Variants in MND1 observed in about 807,000 individuals in gnomAD.
The protein encoded by MND1 is meiotic nuclear divisions 1, also known as meiotic nuclear division protein 1 homolog.
MND1 carries 28 observed loss-of-function variants against 35.1 expected under a neutral mutation model. The observed-to-expected ratio is 0.80, with a 90% confidence interval of 0.59 to 1.09. The LOEUF (loss-of-function observed/expected upper bound fraction) is 1.09. Among genes scored for constraint, MND1 ranks in the 50% least tolerant of loss-of-function variants. The pLI, the probability that MND1 is intolerant of heterozygous loss-of-function variation, is 0.00. For synonymous variants in MND1, 69 were observed against 70.5 expected, an observed-to-expected ratio of 0.98 and a Z score of 0.11; for missense variants, 213 against 239.6, an observed-to-expected ratio of 0.89 and a Z score of 0.73.
intron 4 of MND1, among the ~76,000 whole-genome samples, chr4:153,379,396 GTC>G (rs1371572218): frequency 2.0e-5 from 3 of 151,258 alleles, no homozygotes; most frequent in African/African-American, 7.3e-5. Flanking sequence ...TTTTAAGTAA[GTC>G]TGAACTGGAC....
chr4:153,371,445 G>A (rs1407120441), intron 4 of MND1, among the ~76,000 whole-genome samples: 1 of 152,062 alleles, frequency 6.6e-6, no homozygotes, highest in Non-Finnish European at 1.5e-5. Context: ...AGTGTAGCTT[G>A]GCTAGGTCTT....
At chr4:153,367,504 C>A (rs991324390) in intron 4 of MND1, among the ~76,000 whole-genome samples, 1 of 152,194 alleles carries the variant, frequency 6.6e-6, no homozygotes, top group African/African-American at 2.4e-5. Flanking sequence ...CTTTTTATGG[C>A]CAAATAATAC....
At chr4:153,405,120 C>T (rs1729458495) in intron 6 of MND1, among the ~76,000 whole-genome samples, 1 of 151,984 alleles carries the variant, frequency 6.6e-6, no homozygotes. Flanking sequence ...TGCTTTTTTG[C>T]AGAAATTGGT....
intron 1 of MND1, among the ~76,000 whole-genome samples, chr4:153,347,953 A>T (rs1319492749): frequency 6.6e-6 from 1 of 152,124 alleles, no homozygotes; most frequent in Non-Finnish European, 1.5e-5. Context: ...ATACTGGGGT[A>T]CTCAGAAACG....
chr4:153,408,387 C>T (rs1428183638), intron 6 of MND1, among the ~76,000 whole-genome samples: 1 of 152,142 alleles, frequency 6.6e-6, no homozygotes, highest in Non-Finnish European at 1.5e-5. Context: ...ATAGTTAATG[C>T]CCCATTAATC....
At chr4:153,389,442 C>G (rs547392344) in intron 4 of MND1, among the ~76,000 whole-genome samples, 1 of 152,108 alleles carries the variant, frequency 6.6e-6, no homozygotes, top group Non-Finnish European at 1.5e-5. Flanking sequence ...CTCACTGCAA[C>G]CTCTGCCTCC....
chr4:153,412,222 T>C (rs554980511), intron 7 of MND1, among the ~76,000 whole-genome samples: 1 of 152,374 alleles, frequency 6.6e-6, no homozygotes, highest in Non-Finnish European at 1.5e-5. Context: ...TCCAGAAATG[T>C]GTTTATCAAT....
chr4:153,371,194 A>T (rs1005245418), intron 4 of MND1, among the ~76,000 whole-genome samples: 2 of 151,926 alleles, frequency 1.3e-5, no homozygotes, highest in African/African-American at 4.8e-5. Context: ...TTGTTATTCC[A>T]CTTATAGGGC....
Position 153,355,729 on chromosome 4 carries a change from A to G in MND1, c.127+18A>G, listed in dbSNP as rs538268807. On this transcript the variant is annotated intron_variant, in intron 3 of 7. Transcript: ENST00000240488. ...AGGCATTAGTAAGTACCAAAGTTAT[A>G]CTGGAATGTTTTGGGAAATATACTG... 4 of 1,490,854 alleles carry G rather than the reference A, an allele frequency of 2.7e-6. No homozygotes were observed. Among genetic ancestry groups the G allele is most frequent in the Middle Eastern group, 1.7e-4 (1 of 5,822 alleles). 92.4% of individuals were successfully genotyped at this position (1,490,854 alleles called of 1,614,324 possible).
intron 3 of MND1, among the ~76,000 whole-genome samples, chr4:153,356,737 T>C (rs1203383846): frequency 6.6e-6 from 1 of 152,022 alleles, no homozygotes; most frequent in African/African-American, 2.4e-5. Context: ...TTTCTTCAGT[T>C]ATTAATGGGG....
At chr4:153,353,530 C>T (rs1002575174) in intron 2 of MND1, among the ~76,000 whole-genome samples, 15 of 149,296 alleles carry the variant, frequency 1.0e-4, no homozygotes, top group African/African-American at 2.5e-4. Flanking sequence ...CTGGGTAGCA[C>T]GCCTTTTTCA....
At chr4:153,393,190 G>A (rs1384120807) in intron 4 of MND1, among the ~76,000 whole-genome samples, 4 of 151,948 alleles carry the variant, frequency 2.6e-5, no homozygotes, top group Non-Finnish European at 4.4e-5. Flanking sequence ...TTTCTTCTTT[G>A]AGAACATAAT....
intron 1 of MND1, among the ~76,000 whole-genome samples, chr4:153,347,694 G>A (rs1468387016): frequency 6.6e-6 from 1 of 152,208 alleles, no homozygotes; most frequent in African/African-American, 2.4e-5. Flanking sequence ...TGGAGGGAGA[G>A]TGCCTAAACT....
In MND1 at chr4:153,405,243, G is replaced by C. The variant is rs1026559403; in HGVS notation, c.467-3728G>C. On this transcript the variant is annotated intron_variant, in intron 6 of 7. Transcript: ENST00000240488. ...TTCCCAATTTCAAAACTCGCTACAA[G>C]GCTGCAGTTATCAAGACAGTATGGT... Among the ~76,000 whole-genome samples the C allele has an allele frequency of 2.0e-5, 3 of 152,192 alleles. No homozygotes were observed. In the East Asian group the frequency reaches 5.8e-4, roughly 29 times the overall value.
At chr4:153,408,910 G>GTA in intron 6 of MND1, 61 bp from the exon 7 acceptor site, 3 of 308,172 alleles carry the variant, frequency 9.7e-6, no homozygotes, top group East Asian at 1.7e-4. Context: ...ATCATTTTGT[G>GTA]TGTATATATA....
intron 4 of MND1, among the ~76,000 whole-genome samples, chr4:153,369,504 T>C (rs1352768817): frequency 6.6e-6 from 1 of 152,262 alleles, no homozygotes; most frequent in African/African-American, 2.4e-5. Context: ...CTAAAAGTTA[T>C]ATTTATACTA....
chr4:153,393,083 C>T (rs1466104215), intron 4 of MND1, among the ~76,000 whole-genome samples: 1 of 152,022 alleles, frequency 6.6e-6, no homozygotes, highest in Non-Finnish European at 1.5e-5. Flanking sequence ...CGTGACACTG[C>T]ACTCCAGCCT....
At chr4:153,349,479 C>T (rs1773158979) in intron 1 of MND1, among the ~76,000 whole-genome samples, 1 of 152,212 alleles carries the variant, frequency 6.6e-6, no homozygotes, top group Admixed American at 6.5e-5. Context: ...TGACCCCACA[C>T]CTTTCTCATC....
intron 5 of MND1, among the ~76,000 whole-genome samples, chr4:153,394,887 G>T (rs1330918459): frequency 1.3e-5 from 2 of 151,986 alleles, no homozygotes; most frequent in Non-Finnish European, 2.9e-5. Flanking sequence ...TAAGTATTAG[G>T]TTAGAGATTT....
Sources: gnomAD v4.1 joint callset for allele counts (sites outside exome capture counted in the v4.1 genomes callset) on GRCh38, gnomAD v4.1.1 for gene constraint, MANE v1.5 for transcripts, NCBI Gene and HGNC (gene_info 2026-07-23, HGNC 2026-07-21) for gene names.